CRYZ: variants seen among roughly 807,000 people sequenced by gnomAD.
CRYZ encodes crystallin zeta.
In CRYZ, 35 loss-of-function variants were observed where a neutral mutation model predicts 34.1. The observed-to-expected ratio is 1.03, with a 90% CI of 0.78 to 1.36. The LOEUF (loss-of-function observed/expected upper bound fraction) is 1.36, where lower values mean the gene tolerates loss of function less well. Among genes scored for constraint, CRYZ ranks in the 40% most tolerant of loss-of-function variants. The probability of loss-of-function intolerance (pLI) is 0.00; values close to 1 mark genes in which losing one functional copy is unlikely to be tolerated. For synonymous variants in CRYZ, 137 were observed against 136.5 expected (o/e 1.00, Z -0.03); for missense variants, 403 against 391.8 (o/e 1.03, Z -0.24).
intron 5 of CRYZ, among the ~76,000 whole-genome samples, chr1:74,713,342 A>G (rs1422994624): frequency 6.6e-6 from 1 of 152,196 alleles, no homozygotes; most frequent in African/African-American, 2.4e-5. Context: ...GCTCTCTGAA[A>G]GCCAGGGTAA....
intron 1 of CRYZ, among the ~76,000 whole-genome samples, chr1:74,731,977 T>G (rs1647778292): frequency 6.6e-6 from 1 of 152,214 alleles, no homozygotes; most frequent in African/African-American, 2.4e-5. Context: ...ACTGCAATCC[T>G]GATGGCAAAG....
At chr1:74,717,144 A>G (rs1647088340) in intron 4 of CRYZ, among the ~76,000 whole-genome samples, 1 of 152,096 alleles carries the variant, frequency 6.6e-6, no homozygotes, top group African/African-American at 2.4e-5. Context: ...CTGGAAGCCA[A>G]TCTCTCTACC....
chr1:74,721,595 G>C (rs1243360708), intron 3 of CRYZ, among the ~76,000 whole-genome samples: 1 of 152,190 alleles, frequency 6.6e-6, no homozygotes, highest in African/African-American at 2.4e-5. Context: ...ATTCAGGTCA[G>C]GGGTATAGTT....
At position 74,706,218 on chromosome 1, in the gene CRYZ, A is replaced by T; in HGVS notation, c.*78T>A. On this transcript the variant is annotated 3_prime_UTR_variant, in exon 9 of 9. Transcript: ENST00000340866. ...AGCTCATGGAATCGAATGTTAATTA[A>T]AGAAAAGATAGGGTAAGTACAACTG... 6 of 1,218,816 alleles carry T rather than the reference A, an allele frequency of 4.9e-6. No homozygotes were observed. Among genetic ancestry groups the T allele is most frequent in the Non-Finnish European group, 6.7e-6 (6 of 900,296 alleles). The allele number at this position is 1,218,816 out of a possible 1,614,324, so 75.5% of individuals were successfully genotyped here. A position where few individuals can be genotyped will look rare whatever the true frequency, so the allele number is the denominator to read the frequency against.
At chr1:74,719,474 G>A (rs1647125759) in intron 3 of CRYZ, 102 bp from the exon 4 acceptor site, 7 of 1,058,838 alleles carry the variant, frequency 6.6e-6, no homozygotes, top group African/African-American at 3.2e-5. Context: ...CTCATATATT[G>A]TCCTCTATAG....
At chr1:74,717,585 A>G (rs1360256201) in intron 4 of CRYZ, among the ~76,000 whole-genome samples, 1 of 152,136 alleles carries the variant, frequency 6.6e-6, no homozygotes, top group African/African-American at 2.4e-5. Context: ...CTTTATACAC[A>G]TTACCTCCAA....
At chr1:74,706,771 A>G in intron 8 of CRYZ, 128 bp downstream of exon 8, 1 of 774,846 alleles carries the variant, frequency 1.3e-6, no homozygotes, top group Non-Finnish European at 2.2e-6. Context: ...CCTTCTGGTG[A>G]CTAATCCTTA....
chr1:74,706,390 A>G lies in CRYZ; in HGVS notation c.896T>C (p.Ile299Thr), dbSNP rs1646929544. The change falls in exon 9 of 9, where the codon ATA (isoleucine) becomes ACA (threonine). Residue 299 changes from isoleucine (I) to threonine (T), a missense_variant. Ile to Thr is a moderately conservative substitution (Grantham distance 89, BLOSUM62 -1). Transcript: ENST00000340866. ...CTTCTCCAATGGATATTGAGAACCT[A>G]TCACAGGTTTCAACCAGCCAATTTC... ...GMEIGWLKPV[I>T]GSQYPLEKVA... 1 of 1,612,762 alleles carries G rather than the reference A, an allele frequency of 6.2e-7. No individual in the cohort carries two copies. The highest frequency in any genetic ancestry group is 8.5e-7 in the Non-Finnish European group (1 of 1,179,308).
chr1:74,723,383 A>C, intron 2 of CRYZ, 113 bp from the exon 3 acceptor site: 1 of 950,880 alleles, frequency 1.1e-6, no homozygotes, highest in Non-Finnish European at 1.6e-6. Flanking sequence ...AAGCAAAACA[A>C]ATAAGTGCTT....
intron 4 of CRYZ, among the ~76,000 whole-genome samples, chr1:74,717,120 C>T (rs1647088145): frequency 1.3e-5 from 2 of 152,192 alleles, no homozygotes; most frequent in Admixed American, 1.3e-4. Flanking sequence ...TACAGATGAG[C>T]TGTGCTTTCC....
At chr1:74,715,125 C>A (rs1470318769) in intron 4 of CRYZ, among the ~76,000 whole-genome samples, 1 of 152,156 alleles carries the variant, frequency 6.6e-6, no homozygotes, top group Non-Finnish European at 1.5e-5. Context: ...CTCTGAACAT[C>A]AGGTTGCACC....
At chr1:74,714,441 CAA>C in intron 5 of CRYZ, 136 bp downstream of exon 5, 2 of 720,818 alleles carry the variant, frequency 2.8e-6, no homozygotes, top group African/African-American at 3.6e-5. Context: ...AGACCAAAAT[CAA>C]AAGTTTTACT....
chr1:74,721,739 G>A (rs1007097878), intron 3 of CRYZ, among the ~76,000 whole-genome samples: 3 of 152,146 alleles, frequency 2.0e-5, no homozygotes, highest in East Asian at 1.9e-4. Flanking sequence ...CAAGAGAGGC[G>A]CTATCTGCAG....
intron 1 of CRYZ, among the ~76,000 whole-genome samples, chr1:74,726,485 G>A (rs779802510): frequency 6.6e-5 from 10 of 152,178 alleles, no homozygotes; most frequent in Non-Finnish European, 1.5e-4. Context: ...GCTGCACACG[G>A]CATGGAGGCC....
At position 74,723,141 on chromosome 1, in the gene CRYZ, C is replaced by A; in HGVS notation, c.241G>T (p.Gly81Ter). ...ACCTTGAAAGCAGATGCATTATCTC[C>A]AACAGCTTCTATCACCCCAGCCACA... is the stretch of plus-strand genomic sequence containing the variant. ...SDVAGVIEAV[G>*]DNASAFKKGD... The change falls in exon 3 of 9, where the codon GGA (glycine) becomes TGA (stop). Residue 81 changes from glycine to a stop codon, truncating the protein, a stop_gained. Coordinates refer to ENST00000340866, the MANE Select transcript of CRYZ (RefSeq NM_001889.4). LOFTEE classifies it high-confidence loss of function. The A allele has an allele frequency of 6.2e-7, 1 of 1,612,614 alleles. No individual in the cohort carries two copies. Among genetic ancestry groups the A allele is most frequent in the South Asian group, 1.1e-5 (1 of 90,538 alleles).
rs1647194189 is a variant in CRYZ, at chr1:74,723,161, G to A, written c.221C>T (p.Ala74Val). 3.1e-6 allele frequency: 5 copies of A among 1,613,798 alleles called. No individual in the cohort carries two copies. Among genetic ancestry groups the A allele is most frequent in the Non-Finnish European group, 3.4e-6 (4 of 1,179,892 alleles). ...LLPYTPGSDV[A>V]GVIEAVGDNA... ...ATCTCCAACAGCTTCTATCACCCCAGCCACATCTGAGCCAGGAGTATAGGG... is the reference window on the plus strand; with the variant it reads ...ATCTCCAACAGCTTCTATCACCCCAACCACATCTGAGCCAGGAGTATAGGG... The change falls in exon 3 of 9, where the codon GCT becomes GTT. Residue 74 changes from alanine (A) to valine (V), a missense_variant. Transcript: ENST00000340866.
chr1:74,730,970 T>A (rs1004548915), intron 1 of CRYZ, among the ~76,000 whole-genome samples: 1 of 152,170 alleles, frequency 6.6e-6, no homozygotes. Context: ...ATTCTATTTT[T>A]AAAAATGTAT....
chr1:74,708,175 C>T (rs1436575048), intron 6 of CRYZ: 1 of 152,058 alleles, frequency 6.6e-6, no homozygotes, highest in African/African-American at 2.4e-5. Context: ...AACTGAAGTA[C>T]ATAATCAGGT....
intron 8 of CRYZ, 114 bp from the exon 9 acceptor site, chr1:74,706,571 T>A: frequency 1.0e-6 from 1 of 998,110 alleles, no homozygotes; most frequent in Non-Finnish European, 1.5e-6. Flanking sequence ...CTCTTACAAA[T>A]GTGTGACTTT....
Sources: allele counts gnomAD v4.1 joint callset (sites outside exome capture counted in the v4.1 genomes callset), GRCh38; gene constraint gnomAD v4.1.1; transcripts MANE v1.5; gene names NCBI Gene and HGNC (gene_info 2026-07-23, HGNC 2026-07-21).